The following FARS2 variants were observed in gnomAD, a reference collection of about 807,000 sequenced individuals.
FARS2 encodes the protein phenylalanyl-tRNA synthetase 2, mitochondrial.
A neutral mutation model predicts 46.4 loss-of-function variants in FARS2; 40 were observed. The observed-to-expected ratio is 0.86, with a 90% CI of 0.67 to 1.12. The LOEUF (loss-of-function observed/expected upper bound fraction) is 1.12. Among genes scored for constraint, FARS2 ranks in the 50% most tolerant of loss-of-function variants. FARS2 has a pLI of 0.00. For synonymous variants in FARS2, 234 were observed against 214.9 expected (o/e 1.09, Z -0.78); for missense variants, 513 against 567.9 (o/e 0.90, Z 0.98).
chr6:5,272,817 T>C (rs987507860), intron 1 of FARS2, among the ~76,000 whole-genome samples: 1 of 152,216 alleles, frequency 6.6e-6, no homozygotes, highest in Non-Finnish European at 1.5e-5. Context: ...TCCTGCCCTG[T>C]ACCCTTCTTG....
At chr6:5,363,459 C>G (rs1314630168) in intron 1 of FARS2, among the ~76,000 whole-genome samples, 1 of 151,546 alleles carries the variant, frequency 6.6e-6, no homozygotes, top group African/African-American at 2.4e-5. Context: ...TTTTCTTTTT[C>G]TTCCTATTTC....
chr6:5,635,909 G>A (rs941390848), intron 6 of FARS2, among the ~76,000 whole-genome samples: 1 of 152,200 alleles, frequency 6.6e-6, no homozygotes, highest in Admixed American at 6.5e-5. Flanking sequence ...AGAGATGTCA[G>A]CCATATTTCT....
intron 5 of FARS2, among the ~76,000 whole-genome samples, chr6:5,571,503 G>A (rs1186778779): frequency 3.3e-5 from 5 of 152,188 alleles, no homozygotes; most frequent in African/African-American, 4.8e-5. Context: ...ACCTTCATTA[G>A]GATTCTTCAA....
chr6:5,352,243 A>G (rs902955499), intron 1 of FARS2, among the ~76,000 whole-genome samples: 3 of 150,928 alleles, frequency 2.0e-5, no homozygotes, highest in African/African-American at 7.3e-5. Context: ...AAAAGATTGG[A>G]CACTCCTGAT....
chr6:5,735,055 A>G (rs2150942923), intron 6 of FARS2, among the ~76,000 whole-genome samples: 1 of 152,376 alleles, frequency 6.6e-6, no homozygotes, highest in South Asian at 2.1e-4. Flanking sequence ...TGTGGATTAT[A>G]TTAAAATGCA....
At chr6:5,694,085 T>G (rs1757946694) in intron 6 of FARS2, among the ~76,000 whole-genome samples, 2 of 152,234 alleles carry the variant, frequency 1.3e-5, no homozygotes. Flanking sequence ...GCATTGCTGC[T>G]GTATTTGAGA....
At chr6:5,559,244 C>A (rs1425796881) in intron 5 of FARS2, among the ~76,000 whole-genome samples, 1 of 151,820 alleles carries the variant, frequency 6.6e-6, no homozygotes, top group African/African-American at 2.4e-5. Context: ...CTTTACAGAG[C>A]AAATAAAAAT....
intron 1 of FARS2, among the ~76,000 whole-genome samples, chr6:5,314,428 G>A (rs577277133): frequency 1.5e-3 from 232 of 152,242 alleles, no homozygotes; most frequent in Middle Eastern, 3.4e-3. Context: ...TTGTTTCCTT[G>A]TTTCTGCAGG....
intron 4 of FARS2, among the ~76,000 whole-genome samples, chr6:5,436,012 A>T (rs1763499877): frequency 6.6e-6 from 1 of 151,570 alleles, no homozygotes; most frequent in Non-Finnish European, 1.5e-5. Context: ...TAGCGAAGTG[A>T]ATCAGCATTG....
At chr6:5,746,946 G>A (rs1317749350) in intron 6 of FARS2, among the ~76,000 whole-genome samples, 1 of 152,184 alleles carries the variant, frequency 6.6e-6, no homozygotes, top group Non-Finnish European at 1.5e-5. Flanking sequence ...AGCGTGTGCA[G>A]TTTTAAATGG....
chr6:5,671,824 G>A (rs775523487), intron 6 of FARS2, among the ~76,000 whole-genome samples: 8 of 152,170 alleles, frequency 5.3e-5, no homozygotes, highest in Non-Finnish European at 1.2e-4. Flanking sequence ...GCATCAACGC[G>A]GGGAGGTGAG....
intron 4 of FARS2, among the ~76,000 whole-genome samples, chr6:5,454,219 G>T (rs1764686596): frequency 7.1e-6 from 1 of 141,046 alleles, no homozygotes. Context: ...TTAGACCCAT[G>T]GACATGCCTT....
At chr6:5,500,902 C>T (rs1361413069) in intron 4 of FARS2, among the ~76,000 whole-genome samples, 1 of 150,616 alleles carries the variant, frequency 6.6e-6, no homozygotes, top group East Asian at 2.0e-4. Context: ...ATTTTCTGTC[C>T]TTGTGACATT....
chr6:5,311,900 G>A lies in FARS2; in HGVS notation c.-22+50240G>A, dbSNP rs1206841979. On this transcript the variant is annotated intron_variant, in intron 1 of 6. Coordinates refer to ENST00000274680, the MANE Select transcript of FARS2 (RefSeq NM_006567.5). The surrounding 1 kb of genome is among the most constrained non-coding windows in gnomAD (Gnocchi z 4.1). ...CATTGATAATAATATATTAATTGTG[G>A]CCTCAAGTGAATTTGCCCATTGTAG... is the stretch of plus-strand genomic sequence containing the variant. 6.6e-6 allele frequency among the ~76,000 whole-genome samples: 1 copy of A among 152,116 alleles called. No individual in the cohort carries two copies. The highest frequency in any genetic ancestry group is 1.5e-5 in the Non-Finnish European group (1 of 68,016).
At chr6:5,717,933 T>TATATATATATATATACATACATACATAC (rs1554128879) in intron 6 of FARS2, among the ~76,000 whole-genome samples, 1 of 128,232 alleles carries the variant, frequency 7.8e-6, no homozygotes, top group African/African-American at 3.9e-5. Flanking sequence ...TATATATATA[T>TATATATATATATATACATACATACATAC]ATACAGAGTC....
chr6:5,372,347 C>T (rs1436429080), intron 2 of FARS2, among the ~76,000 whole-genome samples: 1 of 152,040 alleles, frequency 6.6e-6, no homozygotes, highest in Non-Finnish European at 1.5e-5. Flanking sequence ...TACACACATA[C>T]ACAATTATAT....
intron 6 of FARS2, among the ~76,000 whole-genome samples, chr6:5,674,193 T>TAAAAAAAAAAAAAAAAAAAA (rs71540878): frequency 3.9e-5 from 3 of 76,354 alleles, no homozygotes; most frequent in Non-Finnish European, 5.0e-5. Flanking sequence ...GCATTCTCAT[T>TAAAAAAAAAAAAAAAAAAAA]AAAAAAAAAA....
At chr6:5,568,230 A>G (rs1180185410) in intron 5 of FARS2, among the ~76,000 whole-genome samples, 1 of 152,080 alleles carries the variant, frequency 6.6e-6, no homozygotes, top group Non-Finnish European at 1.5e-5. Context: ...ATTCACGTTC[A>G]ACTGTCAACA....
intron 3 of FARS2, among the ~76,000 whole-genome samples, chr6:5,410,149 G>GTTTTTTT (rs1171325752): frequency 2.5e-4 from 30 of 120,574 alleles, no homozygotes; most frequent in African/African-American, 6.3e-4. Flanking sequence ...TCGTTTTTGT[G>GTTTTTTT]TTTTTTTGTT....
Sources: allele counts gnomAD v4.1 joint callset (sites outside exome capture counted in the v4.1 genomes callset), GRCh38; gene constraint gnomAD v4.1.1; non-coding constraint Gnocchi (gnomAD v3.1); transcripts MANE v1.5; gene names NCBI Gene and HGNC (gene_info 2026-07-23, HGNC 2026-07-21).